TSPAN8: variants seen among roughly 807,000 people sequenced by gnomAD.
TSPAN8 encodes tetraspanin 8, also known as tetraspanin-8.
A neutral mutation model predicts 32.8 loss-of-function variants in TSPAN8; 21 were observed. The ratio of observed to expected loss-of-function variants is 0.64; its 90% CI spans 0.45 to 0.92. The LOEUF (loss-of-function observed/expected upper bound fraction) is 0.92. Ranked by LOEUF, TSPAN8 falls within the 40% of genes least tolerant of loss-of-function variation. The pLI is 0.00. For missense variants in TSPAN8, 269 were observed against 281.9 expected, an observed-to-expected ratio of 0.95 and a Z score of 0.33; for synonymous variants, 95 against 94.6, an observed-to-expected ratio of 1.00 and a Z score of -0.03.
intron 7 of TSPAN8, 69 bp downstream of exon 7, chr12:71,132,624 G>T: frequency 6.5e-7 from 1 of 1,545,570 alleles, no homozygotes; most frequent in South Asian, 1.2e-5. Flanking sequence ...TTAATTTTTT[G>T]TAGGGACTTT....
At chr12:71,153,535 T>G (rs937040529) in intron 2 of TSPAN8, among the ~76,000 whole-genome samples, 2 of 152,178 alleles carry the variant, frequency 1.3e-5, no homozygotes, top group African/African-American at 4.8e-5. Flanking sequence ...AAGGCTCAGT[T>G]TTGCAAGTTA....
intron 2 of TSPAN8, among the ~76,000 whole-genome samples, chr12:71,154,690 A>G (rs1872369725): frequency 6.6e-6 from 1 of 152,254 alleles, no homozygotes. Context: ...CCTTGCATTT[A>G]TTAGCATATT....
At chr12:71,153,265 G>C (rs1011391825) in intron 2 of TSPAN8, among the ~76,000 whole-genome samples, 1 of 152,130 alleles carries the variant, frequency 6.6e-6, no homozygotes, top group Non-Finnish European at 1.5e-5. Context: ...AACAAGACTA[G>C]GGAAATAGGT....
chr12:71,145,079 G>C (rs895615170), intron 2 of TSPAN8, among the ~76,000 whole-genome samples: 3 of 152,082 alleles, frequency 2.0e-5, no homozygotes, highest in Non-Finnish European at 4.4e-5. Flanking sequence ...GGACTTAGTA[G>C]ACAATTCTGA....
chr12:71,151,275 G>A (rs1048107421), intron 2 of TSPAN8, among the ~76,000 whole-genome samples: 2 of 152,018 alleles, frequency 1.3e-5, no homozygotes, highest in African/African-American at 4.8e-5. Context: ...GTGTTAGCCG[G>A]GATGGTCTCG....
At chr12:71,132,195 A>G (rs1871538425) in intron 7 of TSPAN8, among the ~76,000 whole-genome samples, 1 of 152,230 alleles carries the variant, frequency 6.6e-6, no homozygotes, top group South Asian at 2.1e-4. Flanking sequence ...GGTAGCTGTC[A>G]GTAACATAGA....
intron 7 of TSPAN8, among the ~76,000 whole-genome samples, chr12:71,131,059 C>G (rs867531117): frequency 2.6e-5 from 4 of 152,052 alleles, no homozygotes; most frequent in African/African-American, 9.7e-5. Flanking sequence ...CAGAATCTGT[C>G]TTGAGGAAAA....
intron 6 of TSPAN8, among the ~76,000 whole-genome samples, chr12:71,137,266 C>T (rs934163836): frequency 6.6e-6 from 1 of 151,950 alleles, no homozygotes; most frequent in African/African-American, 2.4e-5. Flanking sequence ...AGTGACACAG[C>T]AAGACCTTGT....
chr12:71,141,934 T>C (rs1219503966), intron 3 of TSPAN8, among the ~76,000 whole-genome samples: 5 of 152,166 alleles, frequency 3.3e-5, no homozygotes, highest in Admixed American at 3.3e-4. Context: ...GGATGGCTGC[T>C]CATGTGCTTT....
At chr12:71,141,261 C>T (rs1431089825) in intron 3 of TSPAN8, among the ~76,000 whole-genome samples, 1 of 152,108 alleles carries the variant, frequency 6.6e-6, no homozygotes, top group Non-Finnish European at 1.5e-5. Flanking sequence ...ATTTTGAAAG[C>T]TTGGTTAAGT....
rs545986655 is a variant in TSPAN8 at position 71,133,224 on chromosome 12, C to A, written c.445-400G>T. On this transcript the variant is annotated intron_variant, in intron 6 of 8. Coordinates refer to ENST00000247829, the MANE Select transcript of TSPAN8 (RefSeq NM_004616.3). ...TCAGCCTCCCGAGTAGCTGGGATTA[C>A]AGGCATGCTGCACCACCACGCCCAG... Among the ~76,000 whole-genome samples the A allele has an allele frequency of 3.5e-4, 54 of 152,240 alleles. 1 individual carries two copies. Among genetic ancestry groups the A allele is most frequent in the Admixed American group, 3.0e-3 (46 of 15,288 alleles).
At chr12:71,142,238 A>C (rs1162696622) in intron 3 of TSPAN8, among the ~76,000 whole-genome samples, 1 of 152,184 alleles carries the variant, frequency 6.6e-6, no homozygotes, top group Non-Finnish European at 1.5e-5. Flanking sequence ...AGGCTGATGA[A>C]GCGTGAGTCA....
chr12:71,146,978 C>T (rs1433557371), intron 2 of TSPAN8, among the ~76,000 whole-genome samples: 1 of 152,120 alleles, frequency 6.6e-6, no homozygotes, highest in Non-Finnish European at 1.5e-5. Flanking sequence ...TCTTTCTCTA[C>T]TCATACCCAG....
In TSPAN8 at chr12:71,131,749, A is replaced by C. The variant is rs1167130360; in HGVS notation, c.576+944T>G. On this transcript the variant is annotated intron_variant, in intron 7 of 8. Transcript: ENST00000247829. ...GTAATTTTTGTACACATTTCTTCTAAGCAGAACGAACAACTTATGAAGGGA... is the reference window on the plus strand; with the variant it reads ...GTAATTTTTGTACACATTTCTTCTACGCAGAACGAACAACTTATGAAGGGA... 4.0e-5 allele frequency among the ~76,000 whole-genome samples: 6 copies of C among 151,686 alleles called. 1 individual carries two copies. The South Asian group carries it at 1.3e-3, about 32-fold the overall frequency.
At chr12:71,145,119 T>C (rs905813911) in intron 2 of TSPAN8, among the ~76,000 whole-genome samples, 1 of 152,094 alleles carries the variant, frequency 6.6e-6, no homozygotes, top group African/African-American at 2.4e-5. Context: ...ACAAATGTCC[T>C]TGGAGCATCA....
intron 2 of TSPAN8, among the ~76,000 whole-genome samples, chr12:71,144,824 T>C (rs1372784058): frequency 6.6e-6 from 1 of 152,118 alleles, no homozygotes; most frequent in African/African-American, 2.4e-5. Context: ...GAAGGAACAA[T>C]GAAAGACAGA....
In TSPAN8 at chr12:71,157,671, C is replaced by A; in HGVS notation, c.8G>T (p.Gly3Val). ...AGAATATTTTATACAGGCACTCACA[C>A]CTGCCATTTCGGAAAAGGATTAGGA... Reference protein sequence around the residue: MAGVSACIKYSMF... With the variant: MAVVSACIKYSMF... The change falls in exon 2 of 9, where the codon GGT becomes GTT. Residue 3 changes from glycine to valine, a missense_variant. By Grantham distance (109) the Gly-to-Val change is moderately radical (BLOSUM62 -3). Coordinates refer to ENST00000247829, the MANE Select transcript of TSPAN8 (RefSeq NM_004616.3). 6.2e-7 allele frequency: 1 copy of A among 1,613,522 alleles called. No individual in the cohort carries two copies. Among genetic ancestry groups the A allele is most frequent in the Non-Finnish European group, 8.5e-7 (1 of 1,179,474 alleles).
intron 6 of TSPAN8, among the ~76,000 whole-genome samples, chr12:71,136,997 G>A (rs1330952896): frequency 6.6e-6 from 1 of 152,214 alleles, no homozygotes; most frequent in Non-Finnish European, 1.5e-5. Context: ...AGAGGTGGAT[G>A]TGGTTGCTCA....
chr12:71,132,887 T>A (rs1331728890), intron 6 of TSPAN8, 63 bp from the exon 7 acceptor site: 1 of 1,563,188 alleles, frequency 6.4e-7, no homozygotes, highest in African/African-American at 1.4e-5. Context: ...TGGCAATACA[T>A]TAAATTATAA....
Sources: gnomAD v4.1 joint callset for allele counts (sites outside exome capture counted in the v4.1 genomes callset) on GRCh38, gnomAD v4.1.1 for gene constraint, MANE v1.5 for transcripts, NCBI Gene and HGNC (gene_info 2026-07-23, HGNC 2026-07-21) for gene names.